The following PIK3R5 variants were observed in gnomAD, a reference collection of about 807,000 sequenced individuals.
The protein encoded by PIK3R5 is phosphoinositide-3-kinase regulatory subunit 5, also known as phosphoinositide 3-kinase regulatory subunit 5.
Under a neutral mutation model 94.9 loss-of-function variants are expected in PIK3R5, and 32 were observed. The observed-to-expected ratio is 0.34, with a 90% CI of 0.25 to 0.45. PIK3R5 has a LOEUF of 0.45. Among genes scored for constraint, PIK3R5 ranks in the 20% least tolerant of loss-of-function variants. The probability of loss-of-function intolerance (pLI) is 1.00; values close to 1 mark genes in which losing one functional copy is unlikely to be tolerated. For missense variants in PIK3R5, 853 were observed against 1,144.6 expected (o/e 0.75, Z 3.68); for synonymous variants, 443 against 479.4 (o/e 0.92, Z 0.99).
At position 8,884,651 on chromosome 17, in the gene PIK3R5, G is replaced by A. The variant is rs373794854; in HGVS notation, c.2205+56C>T. ...TCCAGCTCTGGGTCCAAGCTCTGGCGGAGGAAGTATCAGCAGCAGATCCTG... is the reference window on the plus strand; with the variant it reads ...TCCAGCTCTGGGTCCAAGCTCTGGCAGAGGAAGTATCAGCAGCAGATCCTG... On this transcript the variant is annotated intron_variant, in intron 15 of 18. Transcript: ENST00000447110. This position sits in a 1 kb window ranked among gnomAD's most constrained non-coding sequence, Gnocchi z 5.8. The A allele has an allele frequency of 4.0e-5, 56 of 1,392,170 alleles. No homozygotes were observed. In the East Asian group the frequency reaches 4.1e-4, roughly 10 times the overall value. The allele number at this position is 1,392,170 out of a possible 1,614,324, so 86.2% of individuals were successfully genotyped here. A position where few individuals can be genotyped will look rare whatever the true frequency, so the allele number is the denominator to read the frequency against.
chr17:8,894,905 G>A (rs61759644), intron 5 of PIK3R5, among the ~76,000 whole-genome samples: 2,903 of 152,276 alleles, frequency 0.019, 101 homozygotes, highest in African/African-American at 0.066. Flanking sequence ...GGGGTTTAAA[G>A]ACAGCTATAA....
chr17:8,882,038 G>A lies in PIK3R5; in HGVS notation c.2206-157C>T. The A allele has an allele frequency of 4.8e-6, 3 of 629,644 alleles. No individual in the cohort carries two copies. Among genetic ancestry groups the A allele is most frequent in the Non-Finnish European group, 8.5e-6 (3 of 352,042 alleles). 39.0% of individuals were successfully genotyped at this position (629,644 alleles called of 1,614,324 possible). A position where few individuals can be genotyped will look rare whatever the true frequency, so the allele number is the denominator to read the frequency against. On this transcript the variant is annotated intron_variant, in intron 15 of 18. Transcript: ENST00000447110. This position sits in a 1 kb window ranked among gnomAD's most constrained non-coding sequence, Gnocchi z 4.1. ...CAGGGCCCCTGTACCACCCTGGATA[G>A]ACCTGGATGACTCCAGGGAAGAGCT... is the stretch of plus-strand genomic sequence containing the variant.
At chr17:8,906,849 T>C (rs571450565) in intron 3 of PIK3R5, among the ~76,000 whole-genome samples, 1 of 152,166 alleles carries the variant, frequency 6.6e-6, no homozygotes, top group Non-Finnish European at 1.5e-5. Flanking sequence ...TGCTATATGG[T>C]GTCAGTTGGG....
chr17:8,938,586 ATGGGT>A (rs1379413541), intron 1 of PIK3R5, among the ~76,000 whole-genome samples: 1 of 152,048 alleles, frequency 6.6e-6, no homozygotes, highest in Admixed American at 6.5e-5. Flanking sequence ...TTTTGTCTTT[ATGGGT>A]TTGCTTATTC....
chr17:8,960,196 G>C (rs928220785), intron 1 of PIK3R5, among the ~76,000 whole-genome samples: 1 of 152,162 alleles, frequency 6.6e-6, no homozygotes, highest in Admixed American at 6.5e-5. Flanking sequence ...TGAAAAGAAT[G>C]CTGGAGAGAA....
At position 8,935,357 on chromosome 17, in the gene PIK3R5, G is replaced by A. The variant is rs1266453767; in HGVS notation, c.-13-23850C>T. Among the ~76,000 whole-genome samples the A allele has an allele frequency of 6.6e-6, 1 of 152,166 alleles. No individual in the cohort carries two copies. Among genetic ancestry groups the A allele is most frequent in the Non-Finnish European group, 1.5e-5 (1 of 68,030 alleles). ...TGTTATGACCATATGAGCAATAGGGGATATTCCTCTGGCTTCAAGGGGAAA... is the reference window on the plus strand; with the variant it reads ...TGTTATGACCATATGAGCAATAGGGAATATTCCTCTGGCTTCAAGGGGAAA... On this transcript the variant is annotated intron_variant, in intron 1 of 18. Coordinates refer to ENST00000447110, the MANE Select transcript of PIK3R5 (RefSeq NM_001142633.3). The surrounding 1 kb of genome is among the most constrained non-coding windows in gnomAD (Gnocchi z 4.5).
intron 1 of PIK3R5, among the ~76,000 whole-genome samples, chr17:8,949,588 G>A (rs2091338450): frequency 6.6e-6 from 1 of 152,138 alleles, no homozygotes; most frequent in Admixed American, 6.5e-5. Flanking sequence ...AAAAAGAAAG[G>A]GAGAATTCTG....
chr17:8,898,512 G>T (rs2090203524), intron 5 of PIK3R5, among the ~76,000 whole-genome samples: 1 of 152,210 alleles, frequency 6.6e-6, no homozygotes, highest in Non-Finnish European at 1.5e-5. Context: ...AGAGATATGG[G>T]TTCAAGTGGT....
chr17:8,884,855 C>T lies in PIK3R5; in HGVS notation c.2129-72G>A. On this transcript the variant is annotated intron_variant, in intron 14 of 18. Coordinates refer to ENST00000447110, the MANE Select transcript of PIK3R5 (RefSeq NM_001142633.3). The surrounding 1 kb of genome is among the most constrained non-coding windows in gnomAD (Gnocchi z 5.8). The stretch of plus-strand genomic sequence containing the variant: ...CTCCTCACGAACGCAGTGGCCTTGC[C>T]TCCCTGGGCCTTACCTCCCCATCCC... 1 of 1,306,210 alleles carries T rather than the reference C, an allele frequency of 7.7e-7. No individual in the cohort carries two copies. Among genetic ancestry groups the T allele is most frequent in the Non-Finnish European group, 1.1e-6 (1 of 910,472 alleles). 80.9% of individuals were successfully genotyped at this position (1,306,210 alleles called of 1,614,324 possible).
At position 8,890,569 on chromosome 17, in the gene PIK3R5, A is replaced by G. The variant is rs1228348290; in HGVS notation, c.657+169T>C. The stretch of plus-strand genomic sequence containing the variant: ...GCCACCCAGCTGGTTAGGATCCAGC[A>G]CACCAGAAACACCCTCTATGAGGTC... On this transcript the variant is annotated intron_variant, in intron 7 of 18. Transcript: ENST00000447110. This position sits in a 1 kb window ranked among gnomAD's most constrained non-coding sequence, Gnocchi z 6.1. Among the ~76,000 whole-genome samples, 3 of 152,228 alleles carry G rather than the reference A, an allele frequency of 2.0e-5. No individual in the cohort carries two copies. The highest frequency in any genetic ancestry group is 2.0e-4 in the Admixed American group (3 of 15,288).
chr17:8,901,174 T>C (rs1013160262), intron 5 of PIK3R5, among the ~76,000 whole-genome samples: 1 of 152,166 alleles, frequency 6.6e-6, no homozygotes, highest in African/African-American at 2.4e-5. Flanking sequence ...AACTGGCGTG[T>C]TCCTTTAGGG....
chr17:8,912,369 CTG>C, intron 1 of PIK3R5: 1 of 152,258 alleles, frequency 6.6e-6, no homozygotes, highest in East Asian at 1.9e-4. Flanking sequence ...AACCTGGACT[CTG>C]ATATTTGCTA....
intron 1 of PIK3R5, among the ~76,000 whole-genome samples, chr17:8,931,531 C>A (rs890746470): frequency 6.6e-6 from 1 of 152,106 alleles, no homozygotes; most frequent in Admixed American, 6.5e-5. Flanking sequence ...TTGTTTGAAG[C>A]ATAGAGGTAG....
intron 1 of PIK3R5, among the ~76,000 whole-genome samples, chr17:8,939,058 A>G (rs1246947807): frequency 1.3e-5 from 2 of 152,182 alleles, no homozygotes; most frequent in Admixed American, 1.3e-4. Flanking sequence ...AGTTCCTACT[A>G]CCTGTCAGCT....
At chr17:8,887,277 A>G (rs769356602) in intron 11 of PIK3R5, 56 bp from the exon 12 acceptor site, 9 of 1,605,100 alleles carry the variant, frequency 5.6e-6, no homozygotes, top group African/African-American at 2.7e-5. Flanking sequence ...TGCCCATCCT[A>G]GCTCCAGGGC....
chr17:8,891,737 C>T (rs1035504586), intron 6 of PIK3R5, among the ~76,000 whole-genome samples: 5 of 151,744 alleles, frequency 3.3e-5, no homozygotes, highest in African/African-American at 1.2e-4. Flanking sequence ...GCTGGGACTA[C>T]AGGCACCCGC....
chr17:8,919,704 T>C (rs2090696216), intron 1 of PIK3R5, among the ~76,000 whole-genome samples: 3 of 152,186 alleles, frequency 2.0e-5, no homozygotes, highest in Non-Finnish European at 4.4e-5. Context: ...ACACCATGTG[T>C]GTGCTTGGGA....
In PIK3R5 at chr17:8,904,823, G is replaced by A. The variant is rs1383415343; in HGVS notation, c.366C>T (p.Ile122=). 1.2e-6 allele frequency: 2 copies of A among 1,614,176 alleles called. No individual in the cohort carries two copies. Among genetic ancestry groups the A allele is most frequent in the Admixed American group, 3.3e-5 (2 of 60,028 alleles). Residue 122 remains isoleucine (I), a synonymous_variant, in exon 5 of 19, where the codon ATC becomes ATT. Transcript: ENST00000447110. The surrounding 1 kb of genome is among the most constrained non-coding windows in gnomAD (Gnocchi z 5.1). ...FLTWPVPYCS[I]CQELLTFIDA... Reference sequence around the variant, plus strand: ...CAATGAAGGTGAGCAGCTCCTGGCAGATGCTGCAGTAAGGAACAGGCCAGG... The same window carrying A: ...CAATGAAGGTGAGCAGCTCCTGGCAAATGCTGCAGTAAGGAACAGGCCAGG...
At chr17:8,946,963 T>C (rs2091284075) in intron 1 of PIK3R5, among the ~76,000 whole-genome samples, 1 of 152,174 alleles carries the variant, frequency 6.6e-6, no homozygotes, top group South Asian at 2.1e-4. Context: ...TCTCATTATA[T>C]TTCTGTAACT....
Sources: gnomAD v4.1 joint callset for allele counts (sites outside exome capture counted in the v4.1 genomes callset) on GRCh38, gnomAD v4.1.1 for gene constraint, Gnocchi (gnomAD v3.1) non-coding constraint, MANE v1.5 for transcripts, NCBI Gene and HGNC (gene_info 2026-07-23, HGNC 2026-07-21) for gene names.